Variants in DENND6A observed in about 807,000 individuals in gnomAD.
DENND6A encodes DENN domain containing 6A.
In DENND6A, 43 loss-of-function variants were observed where a neutral mutation model predicts 95.5. The observed-to-expected ratio is 0.45, with a 90% CI of 0.35 to 0.58. The LOEUF (loss-of-function observed/expected upper bound fraction) is 0.58. Among genes scored for constraint, DENND6A ranks in the 20% least tolerant of loss-of-function variants. The pLI is 0.00. For missense variants in DENND6A, 574 were observed against 736.0 expected, an observed-to-expected ratio of 0.78 and a Z score of 2.55; for synonymous variants, 257 against 260.4, an observed-to-expected ratio of 0.99 and a Z score of 0.13.
chr3:57,659,944 T>C (rs1250666601), intron 7 of DENND6A, among the ~76,000 whole-genome samples: 5 of 152,222 alleles, frequency 3.3e-5, no homozygotes, highest in African/African-American at 4.8e-5. Context: ...GGCCATGGAA[T>C]TGCAGAACTC....
At chr3:57,649,109 T>A (rs1389687456) in intron 9 of DENND6A, among the ~76,000 whole-genome samples, 3 of 152,012 alleles carry the variant, frequency 2.0e-5, no homozygotes, top group African/African-American at 7.3e-5. Context: ...AATCTATACA[T>A]CCAAACAAAG....
intron 1 of DENND6A, among the ~76,000 whole-genome samples, chr3:57,680,677 A>T (rs549983052): frequency 6.6e-6 from 1 of 152,352 alleles, no homozygotes; most frequent in East Asian, 1.9e-4. Context: ...TAGTATATAA[A>T]ATACATAAAG....
chr3:57,627,224 A>G lies in DENND6A; in HGVS notation c.*990T>C, dbSNP rs1349021201. On this transcript the variant is annotated 3_prime_UTR_variant, in exon 20 of 20. Coordinates refer to ENST00000311128, the MANE Select transcript of DENND6A (RefSeq NM_152678.3). ...AGGGGTGTAATCTCAGCTCACTGCAACCTCCGCCTCCCAGGTTCAAGTGAT... is the reference window on the plus strand; with the variant it reads ...AGGGGTGTAATCTCAGCTCACTGCAGCCTCCGCCTCCCAGGTTCAAGTGAT... 2 of 152,064 alleles carry G rather than the reference A, an allele frequency of 1.3e-5. No individual in the cohort carries two copies. Among genetic ancestry groups the G allele is most frequent in the African/African-American group, 4.8e-5 (2 of 41,398 alleles). The allele number at this position is 152,064 out of a possible 1,614,324, so 9.4% of individuals were successfully genotyped here.
chr3:57,660,926 T>G, intron 6 of DENND6A, 87 bp from the exon 7 acceptor site: 1 of 1,169,580 alleles, frequency 8.6e-7, no homozygotes, highest in Non-Finnish European at 1.2e-6. Flanking sequence ...AACACTACTT[T>G]CCATACAGCA....
intron 1 of DENND6A, among the ~76,000 whole-genome samples, chr3:57,677,685 C>A (rs1226992931): frequency 6.6e-6 from 1 of 152,108 alleles, no homozygotes; most frequent in Non-Finnish European, 1.5e-5. Context: ...ATCCTCCTGC[C>A]TCCCACCTCC....
At chr3:57,688,382 C>T (rs938226532) in intron 1 of DENND6A, among the ~76,000 whole-genome samples, 3 of 152,042 alleles carry the variant, frequency 2.0e-5, no homozygotes, top group African/African-American at 7.2e-5. Flanking sequence ...TAGGAGACTG[C>T]TGCCCAGACT....
chr3:57,636,646 TA>T (rs2070798864), intron 12 of DENND6A, among the ~76,000 whole-genome samples: 1 of 151,972 alleles, frequency 6.6e-6, no homozygotes, highest in Non-Finnish European at 1.5e-5. Context: ...GTAAGAGAGA[TA>T]AAAAGTTGGC....
Position 57,660,805 on chromosome 3 carries a change from C to G in DENND6A, c.654G>C (p.Val218=), listed in dbSNP as rs763398149. Residue 218 remains valine (V), a synonymous_variant, in exon 7 of 20, where the codon GTG becomes GTC. Transcript: ENST00000311128. ...TTGGCAGGTGTAATGTTTTCCCTGG[C>G]ACTGGGGCAGGCCATCGATCAACAT... ...CNDVDRWPAP[V]PGKTLHLPIM... The G allele has an allele frequency of 3.7e-6, 6 of 1,609,666 alleles. No individual in the cohort carries two copies. Among genetic ancestry groups the G allele is most frequent in the Non-Finnish European group, 5.1e-6 (6 of 1,177,892 alleles).
Position 57,646,041 on chromosome 3 carries a change from A to G in DENND6A, c.941+275T>C, listed in dbSNP as rs149685615. Among the ~76,000 whole-genome samples the G allele has an allele frequency of 4.0e-3, 615 of 152,286 alleles. 6 individuals are homozygous for G. Among genetic ancestry groups the G allele is most frequent in the African/African-American group, 0.014 (594 of 41,564 alleles). The stretch of plus-strand genomic sequence containing the variant: ...TACACTGATCATTCACACAAGTAAT[A>G]TTTATCAAGGAACAACTTCATGTAA... On this transcript the variant is annotated intron_variant, in intron 10 of 19. Transcript: ENST00000311128.
intron 1 of DENND6A, among the ~76,000 whole-genome samples, chr3:57,688,316 T>C (rs1482301828): frequency 6.6e-6 from 1 of 152,062 alleles, no homozygotes; most frequent in African/African-American, 2.4e-5. Flanking sequence ...CTAATCATCT[T>C]ACAAACTGTT....
chr3:57,630,716 G>T lies in DENND6A; in HGVS notation c.1516C>A (p.Arg506=). Residue 506 remains arginine (R), a splice_region_variant and synonymous_variant, in exon 17 of 20, where the codon CGG becomes AGG. Coordinates refer to ENST00000311128, the MANE Select transcript of DENND6A (RefSeq NM_152678.3). ...GTAAAACAGGGAAAAAAGACTAACC[G>T]GTAAAGTCCAATCCAATCGCCTTTT... ...RIKGDWIGLY[R]HFLKSPNFDG... The T allele has an allele frequency of 6.2e-7, 1 of 1,611,400 alleles. No homozygotes were observed. Among genetic ancestry groups the T allele is most frequent in the Non-Finnish European group, 8.5e-7 (1 of 1,179,310 alleles).
chr3:57,648,051 T>A (rs2071116971), intron 9 of DENND6A, among the ~76,000 whole-genome samples: 1 of 152,036 alleles, frequency 6.6e-6, no homozygotes, highest in Non-Finnish European at 1.5e-5. Flanking sequence ...AGCATGCAAA[T>A]TGGTAATGAG....
intron 1 of DENND6A, among the ~76,000 whole-genome samples, chr3:57,678,329 GTTC>G (rs2077127862): frequency 6.6e-6 from 1 of 152,168 alleles, no homozygotes; most frequent in African/African-American, 2.4e-5. Flanking sequence ...TGAGAAACAC[GTTC>G]TTCAAGACCC....
chr3:57,643,134 G>A (rs1193956855), intron 11 of DENND6A, among the ~76,000 whole-genome samples: 1 of 152,096 alleles, frequency 6.6e-6, no homozygotes, highest in Non-Finnish European at 1.5e-5. Flanking sequence ...TGGAAAGGGA[G>A]CAATAGAAAG....
intron 3 of DENND6A, among the ~76,000 whole-genome samples, chr3:57,670,465 C>T (rs985716875): frequency 6.6e-6 from 1 of 152,118 alleles, no homozygotes; most frequent in Non-Finnish European, 1.5e-5. Context: ...GTTATTTTAG[C>T]AAGGCTTATT....
At chr3:57,668,330 C>A (rs1319713711) in intron 3 of DENND6A, among the ~76,000 whole-genome samples, 1 of 152,134 alleles carries the variant, frequency 6.6e-6, no homozygotes, top group African/African-American at 2.4e-5. Flanking sequence ...CCATCCAGAA[C>A]AAGGAGGATT....
chr3:57,677,315 T>C (rs751409845), intron 1 of DENND6A, among the ~76,000 whole-genome samples: 1 of 152,002 alleles, frequency 6.6e-6, no homozygotes, highest in Non-Finnish European at 1.5e-5. Flanking sequence ...TTATTTCAAC[T>C]ATAAATTCAA....
chr3:57,650,380 ATAATT>A (rs912490959), intron 9 of DENND6A, among the ~76,000 whole-genome samples: 2 of 151,492 alleles, frequency 1.3e-5, no homozygotes, highest in East Asian at 1.9e-4. Flanking sequence ...TTAATAAAAA[ATAATT>A]TAATATATGA....
intron 8 of DENND6A, among the ~76,000 whole-genome samples, chr3:57,657,937 G>A (rs549873274): frequency 6.6e-6 from 1 of 152,196 alleles, no homozygotes; most frequent in African/African-American, 2.4e-5. Context: ...CAGATAACAT[G>A]GATAAAGAAT....
Sources: allele counts gnomAD v4.1 joint callset (sites outside exome capture counted in the v4.1 genomes callset), GRCh38; gene constraint gnomAD v4.1.1; transcripts MANE v1.5; gene names NCBI Gene and HGNC (gene_info 2026-07-23, HGNC 2026-07-21).